The following TMEM144 variants were observed in gnomAD, a reference collection of about 807,000 sequenced individuals.
The protein encoded by TMEM144 is transmembrane protein 144.
Under a neutral mutation model 43.6 loss-of-function variants are expected in TMEM144, and 39 were observed. The ratio of observed to expected loss-of-function variants is 0.90; its 90% confidence interval spans 0.69 to 1.17. The LOEUF (loss-of-function observed/expected upper bound fraction) is 1.17, where lower values mean the gene tolerates loss of function less well. Among genes scored for constraint, TMEM144 ranks in the 50% most tolerant of loss-of-function variants. The pLI, the probability that TMEM144 is intolerant of heterozygous loss-of-function variation, is 0.00. For synonymous variants in TMEM144, 154 were observed against 133.6 expected (o/e 1.15, Z -1.06); for missense variants, 417 against 411.9 (o/e 1.01, Z -0.11).
chr4:158,252,178 C>T (rs1736239749), intron 12 of TMEM144, among the ~76,000 whole-genome samples: 1 of 152,170 alleles, frequency 6.6e-6, no homozygotes, highest in Non-Finnish European at 1.5e-5. Flanking sequence ...AATATTTCTA[C>T]TTAACACAGG....
intron 11 of TMEM144, among the ~76,000 whole-genome samples, chr4:158,243,740 T>G (rs1263722042): frequency 6.6e-6 from 1 of 152,214 alleles, no homozygotes; most frequent in African/African-American, 2.4e-5. Flanking sequence ...TATTTTAATC[T>G]TCCCATAAAC....
rs140018043 is a variant in TMEM144 at position 158,229,198 on chromosome 4, T to C, written c.414-3703T>C. Among the ~76,000 whole-genome samples the C allele has an allele frequency of 4.4e-3, 666 of 152,254 alleles. 5 individuals carry two copies. The highest frequency in any genetic ancestry group is 0.015 in the African/African-American group (642 of 41,548). On this transcript the variant is annotated intron_variant, in intron 6 of 12. Coordinates refer to ENST00000296529, the MANE Select transcript of TMEM144 (RefSeq NM_018342.5). Reference sequence around the variant, plus strand: ...CTTTAGTTTCGCTTCTCTTCCCTTTTCTGAGTATAAAACAATATGAAAAGG... The same window carrying C: ...CTTTAGTTTCGCTTCTCTTCCCTTTCCTGAGTATAAAACAATATGAAAAGG...
At chr4:158,223,557 C>T (rs1451219503) in intron 6 of TMEM144, among the ~76,000 whole-genome samples, 2 of 152,118 alleles carry the variant, frequency 1.3e-5, no homozygotes, top group African/African-American at 2.4e-5. Context: ...TAAGTTCCCT[C>T]CCCTTGCCCA....
intron 12 of TMEM144, among the ~76,000 whole-genome samples, chr4:158,252,250 T>C (rs1736242965): frequency 2.6e-5 from 4 of 152,112 alleles, no homozygotes; most frequent in Non-Finnish European, 5.9e-5. Context: ...TTCTCAGTAG[T>C]TCCCATCTTT....
rs1209028272 is a variant in TMEM144, at chr4:158,241,552, G to A, written c.846G>A (p.Trp282Ter). The A allele has an allele frequency of 6.2e-7, 1 of 1,613,982 alleles. No individual in the cohort carries two copies. Residue 282 changes from tryptophan (W) to a stop codon, truncating the protein, a stop_gained, in exon 11 of 13, where the codon TGG (tryptophan) becomes TGA (stop). Transcript: ENST00000296529. LOFTEE classifies it high-confidence loss of function. ...TTTGGGCTATAGCTACCTGCTGTTG[G>A]TTCATAGCAAATCACTCTCTGAGTG... ...GVLWAIATCCWFIANHSLSAV... is the reference protein window; with the variant it reads ...GVLWAIATCC
intron 9 of TMEM144, among the ~76,000 whole-genome samples, chr4:158,237,856 C>T (rs1156393953): frequency 6.6e-6 from 1 of 152,180 alleles, no homozygotes; most frequent in African/African-American, 2.4e-5. Context: ...AGCCAGGACT[C>T]TTTTCAACTA....
At position 158,235,394 on chromosome 4, in the gene TMEM144, A is replaced by G. The variant is rs761340864; in HGVS notation, c.496-44A>G. The G allele has an allele frequency of 1.1e-5, 17 of 1,596,456 alleles. No individual in the cohort carries two copies. The South Asian group carries it at 1.1e-4, about 10-fold the overall frequency. ...AATATTGTCACCAGTGTGATTATCA[A>G]TTGAATGTTCTTTTGTTTTAATTTG... is the stretch of plus-strand genomic sequence containing the variant. On this transcript the variant is annotated intron_variant, in intron 7 of 12. Coordinates refer to ENST00000296529, the MANE Select transcript of TMEM144 (RefSeq NM_018342.5).
At chr4:158,213,457 C>T (rs1217361575) in intron 3 of TMEM144, 1 of 152,168 alleles carries the variant, frequency 6.6e-6, no homozygotes, top group African/African-American at 2.4e-5. Context: ...ACCAGTTAAC[C>T]AGTTAAAACT....
chr4:158,228,651 A>G (rs1242799093), intron 6 of TMEM144, among the ~76,000 whole-genome samples: 1 of 152,116 alleles, frequency 6.6e-6, no homozygotes, highest in Non-Finnish European at 1.5e-5. Flanking sequence ...GGCTGGTCGG[A>G]GTCCCTCGCA....
At chr4:158,218,944 C>G (rs1734372241) in intron 5 of TMEM144, among the ~76,000 whole-genome samples, 1 of 151,988 alleles carries the variant, frequency 6.6e-6, no homozygotes, top group Non-Finnish European at 1.5e-5. Flanking sequence ...GAAACCCTGT[C>G]TCTACTAAAA....
At chr4:158,222,764 C>T (rs959951391) in intron 6 of TMEM144, among the ~76,000 whole-genome samples, 10 of 152,146 alleles carry the variant, frequency 6.6e-5, no homozygotes, top group African/African-American at 1.7e-4. Context: ...CAGTTGTCGG[C>T]GTAACTGCAC....
Position 158,217,351 on chromosome 4 carries a change from C to T in TMEM144, c.263C>T (p.Thr88Ile), listed in dbSNP as rs1579104419. 1 of 1,612,956 alleles carries T rather than the reference C, an allele frequency of 6.2e-7. No homozygotes were observed. Among genetic ancestry groups the T allele is most frequent in the Non-Finnish European group, 8.5e-7 (1 of 1,179,296 alleles). Residue 88 changes from threonine to isoleucine, a missense_variant, in exon 5 of 13, where the codon ACC becomes ATC. Physicochemically the swap from Thr to Ile is moderately conservative, Grantham distance 89. Transcript: ENST00000296529. ...ATTGCTGTTGTCCCAATTATCAAAA[C>T]CATTGGTTTAGGCCTTGGAATCTTA... ...GNIAVVPIIK[T>I]IGLGLGILIW...
In TMEM144 at chr4:158,235,505, T is replaced by C. The variant is rs1394747017; in HGVS notation, c.563T>C (p.Val188Ala). 1 of 1,611,272 alleles carries C rather than the reference T, an allele frequency of 6.2e-7. No homozygotes were observed. Among genetic ancestry groups the C allele is most frequent in the Non-Finnish European group, 8.5e-7 (1 of 1,178,386 alleles). Residue 188 changes from valine (V) to alanine (A), a missense_variant and splice_region_variant, in exon 8 of 13, where the codon GTG becomes GCG. Transcript: ENST00000296529. Reference protein sequence around the residue: ...DKLSTVHHRIVGCSLAVISGV... With the variant: ...DKLSTVHHRIAGCSLAVISGV... Reference sequence around the variant, plus strand: ...CTTTCTACAGTACACCACCGCATAGTGTAAGGAGAGGTTACTTCTTTGCTC... The same window carrying C: ...CTTTCTACAGTACACCACCGCATAGCGTAAGGAGAGGTTACTTCTTTGCTC...
chr4:158,218,728 T>A (rs1734359896), intron 5 of TMEM144, among the ~76,000 whole-genome samples: 1 of 152,202 alleles, frequency 6.6e-6, no homozygotes, highest in African/African-American at 2.4e-5. Flanking sequence ...TTTTCCTACT[T>A]CTTTTTTAGT....
At chr4:158,237,736 G>C (rs769246046) in intron 9 of TMEM144, 93 bp downstream of exon 9, 17 of 883,354 alleles carry the variant, frequency 1.9e-5, no homozygotes, top group Non-Finnish European at 2.4e-5. Context: ...GGGTCGATTC[G>C]ATCTTTCTTT....
intron 6 of TMEM144, among the ~76,000 whole-genome samples, chr4:158,229,559 T>C (rs560880344): frequency 6.6e-6 from 1 of 152,188 alleles, no homozygotes; most frequent in Non-Finnish European, 1.5e-5. Flanking sequence ...GGGAAAACCA[T>C]TTATCTGGTC....
chr4:158,248,066 T>C (rs1466433657), intron 12 of TMEM144, among the ~76,000 whole-genome samples: 1 of 133,296 alleles, frequency 7.5e-6, no homozygotes, highest in Non-Finnish European at 1.6e-5. Context: ...AAAAAATGAC[T>C]AAGATAAGAT....
chr4:158,229,607 C>T (rs1028083480), intron 6 of TMEM144, among the ~76,000 whole-genome samples: 3 of 152,182 alleles, frequency 2.0e-5, no homozygotes, highest in African/African-American at 7.2e-5. Context: ...GAAAGGCTAA[C>T]TCTGCTGGTC....
Position 158,215,211 on chromosome 4 carries a change from C to T in TMEM144, c.130C>T (p.Leu44Phe), listed in dbSNP as rs776849654. 4.3e-6 allele frequency: 7 copies of T among 1,613,760 alleles called. No homozygotes were observed. Among genetic ancestry groups the T allele is most frequent in the Non-Finnish European group, 5.9e-6 (7 of 1,179,750 alleles). The change falls in exon 4 of 13, where the codon CTT becomes TTT. Residue 44 changes from leucine to phenylalanine, a missense_variant. Coordinates refer to ENST00000296529, the MANE Select transcript of TMEM144 (RefSeq NM_018342.5). ...TGDGMFLQWV[L>F]CAAIWLVALV... Reference sequence around the variant, plus strand: ...TCTAGGAATGTTTCTCCAGTGGGTTCTTTGTGCTGCCATATGGTTGGTTGC... The same window carrying T: ...TCTAGGAATGTTTCTCCAGTGGGTTTTTTGTGCTGCCATATGGTTGGTTGC...
Sources: gnomAD v4.1 joint callset for allele counts (sites outside exome capture counted in the v4.1 genomes callset) on GRCh38, gnomAD v4.1.1 for gene constraint, MANE v1.5 for transcripts, NCBI Gene and HGNC (gene_info 2026-07-23, HGNC 2026-07-21) for gene names.